The following PIAS2 variants were observed in gnomAD, a reference collection of about 807,000 sequenced individuals.
PIAS2 encodes the protein protein inhibitor of activated STAT 2.
Under a neutral mutation model 69.7 loss-of-function variants are expected in PIAS2, and 19 were observed. The observed-to-expected ratio is 0.27, with a 90% CI of 0.19 to 0.40. The LOEUF (loss-of-function observed/expected upper bound fraction) is 0.40, where lower values mean the gene tolerates loss of function less well. Among genes scored for constraint, PIAS2 ranks in the 10% least tolerant of loss-of-function variants. The pLI, the probability that PIAS2 is intolerant of heterozygous loss-of-function variation, is 1.00. For missense variants in PIAS2, 624 were observed against 757.0 expected (o/e 0.82, Z 2.06); for synonymous variants, 261 against 263.2 (o/e 0.99, Z 0.08).
intron 9 of PIAS2, among the ~76,000 whole-genome samples, chr18:46,833,892 G>C (rs964259193): frequency 1.3e-5 from 2 of 152,126 alleles, no homozygotes; most frequent in African/African-American, 2.4e-5. Context: ...AGAATAATCT[G>C]GGTGCTAGGG....
chr18:46,885,531 A>G (rs908006745), intron 2 of PIAS2, among the ~76,000 whole-genome samples: 7 of 152,060 alleles, frequency 4.6e-5, no homozygotes, highest in African/African-American at 1.4e-4. Flanking sequence ...AAAAAAAAAA[A>G]AAGAAAAAAA....
In PIAS2 at chr18:46,807,274, TTG is replaced by T. The variant is rs2040730212; in HGVS notation, c.*5157_*5158del. 1 of 144,966 alleles carries T rather than the reference TTG, an allele frequency of 6.9e-6. No individual in the cohort carries two copies. Among genetic ancestry groups the T allele is most frequent in the Admixed American group, 6.9e-5 (1 of 14,468 alleles). The allele number at this position is 144,966 out of a possible 1,614,324, so 9.0% of individuals were successfully genotyped here. On this transcript the variant is annotated 3_prime_UTR_variant, in exon 14 of 14. Transcript: ENST00000585916. ...GAAAACGTAGTCTGACAAAGAATAT[TTG>T]TGCAACTTTACAGTGCCAGTAAAAT...
At chr18:46,899,897 A>C (rs923484328) in intron 1 of PIAS2, among the ~76,000 whole-genome samples, 8 of 152,184 alleles carry the variant, frequency 5.3e-5, no homozygotes, top group African/African-American at 1.9e-4. Flanking sequence ...TCTCATCCTG[A>C]CAGCATCAGG....
At chr18:46,884,645 G>A (rs1332087220) in intron 2 of PIAS2, among the ~76,000 whole-genome samples, 4 of 151,988 alleles carry the variant, frequency 2.6e-5, no homozygotes, top group Admixed American at 6.5e-5. Context: ...GCCAGGTGCC[G>A]TGGCTCACGC....
At chr18:46,832,712 G>A (rs541167229) in intron 9 of PIAS2, among the ~76,000 whole-genome samples, 2 of 151,664 alleles carry the variant, frequency 1.3e-5, no homozygotes, top group African/African-American at 2.4e-5. Flanking sequence ...CCACTATGGC[G>A]AAACCCCATC....
rs372285195 is a variant in PIAS2, at chr18:46,811,017, A to G, written c.*1416T>C. The G allele has an allele frequency of 4.6e-5, 7 of 152,168 alleles. No individual in the cohort carries two copies. The highest frequency in any genetic ancestry group is 3.9e-4 in the East Asian group (2 of 5,192). 9.4% of individuals were successfully genotyped at this position (152,168 alleles called of 1,614,324 possible). A position where few individuals can be genotyped will look rare whatever the true frequency, so the allele number is the denominator to read the frequency against. Reference sequence around the variant, plus strand: ...AAGCAAACTAAAAAACTGGATGAAAATGTTTCTCTAAGAGTAAAACCCAGT... The same window carrying G: ...AAGCAAACTAAAAAACTGGATGAAAGTGTTTCTCTAAGAGTAAAACCCAGT... On this transcript the variant is annotated 3_prime_UTR_variant, in exon 14 of 14. Transcript: ENST00000585916.
At chr18:46,843,371 T>A (rs2045702336) in intron 8 of PIAS2, among the ~76,000 whole-genome samples, 1 of 152,222 alleles carries the variant, frequency 6.6e-6, no homozygotes, top group Non-Finnish European at 1.5e-5. Context: ...AAGTTCTTCT[T>A]AACCGGAAAG....
Position 46,811,133 on chromosome 18 carries a change from T to C in PIAS2, c.*1300A>G, listed in dbSNP as rs566509150. The C allele has an allele frequency of 6.0e-4, 92 of 152,238 alleles. No homozygotes were observed. Among genetic ancestry groups the C allele is most frequent in the African/African-American group, 2.1e-3 (89 of 41,522 alleles). 9.4% of individuals were successfully genotyped at this position (152,238 alleles called of 1,614,324 possible). A position where few individuals can be genotyped will look rare whatever the true frequency, so the allele number is the denominator to read the frequency against. ...AAACCTCAGAGGTTCCCTGGAGTGTTTGGGGTAGCATGGATTGAGACAGGA... is the reference window on the plus strand; with the variant it reads ...AAACCTCAGAGGTTCCCTGGAGTGTCTGGGGTAGCATGGATTGAGACAGGA... On this transcript the variant is annotated 3_prime_UTR_variant, in exon 14 of 14. Coordinates refer to ENST00000585916, the MANE Select transcript of PIAS2 (RefSeq NM_004671.5).
In PIAS2 at chr18:46,856,389, G is replaced by A. The variant is rs188500835; in HGVS notation, c.585-774C>T. 3.4e-3 allele frequency among the ~76,000 whole-genome samples: 519 copies of A among 152,168 alleles called. 1 individual carries two copies. The highest frequency in any genetic ancestry group is 0.01 in the Middle Eastern group (3 of 294). ...TAAGCATTAGTTTTTATAGCTACTA[G>A]GGGGATTCTAATATAGACCCAGGAT... On this transcript the variant is annotated intron_variant, in intron 3 of 13. Transcript: ENST00000585916.
chr18:46,846,526 CAGAGTT>C lies in PIAS2; in HGVS notation c.861+175_861+180del, dbSNP rs1599669984. 10 of 460,004 alleles carry C rather than the reference CAGAGTT, an allele frequency of 2.2e-5. No homozygotes were observed. In the East Asian group the frequency reaches 3.0e-4, roughly 14 times the overall value. 28.5% of individuals were successfully genotyped at this position (460,004 alleles called of 1,614,324 possible). A position where few individuals can be genotyped will look rare whatever the true frequency, so the allele number is the denominator to read the frequency against. On this transcript the variant is annotated intron_variant, in intron 6 of 13. Coordinates refer to ENST00000585916, the MANE Select transcript of PIAS2 (RefSeq NM_004671.5). ...TAAAGAGATGATATTCAGGAAAGCT[CAGAGTT>C]AAAGTTTTTAACTTTAAGAATCTCC... is the stretch of plus-strand genomic sequence containing the variant.
At chr18:46,865,722 C>T (rs1012230875) in intron 2 of PIAS2, among the ~76,000 whole-genome samples, 1 of 152,072 alleles carries the variant, frequency 6.6e-6, no homozygotes, top group Non-Finnish European at 1.5e-5. Context: ...CAATTATTCT[C>T]CTAGAAATGT....
At chr18:46,914,459 T>G (rs558102000) in intron 1 of PIAS2, among the ~76,000 whole-genome samples, 57 of 152,290 alleles carry the variant, frequency 3.7e-4, no homozygotes, top group African/African-American at 1.3e-3. Flanking sequence ...TATTCTGCTA[T>G]GACCAGCCAA....
At chr18:46,826,030 G>A (rs2042798229) in intron 11 of PIAS2, among the ~76,000 whole-genome samples, 1 of 152,168 alleles carries the variant, frequency 6.6e-6, no homozygotes, top group Non-Finnish European at 1.5e-5. Flanking sequence ...GTGTATTAAT[G>A]TGTATGTATG....
intron 1 of PIAS2, among the ~76,000 whole-genome samples, chr18:46,891,462 AC>A (rs1427479020): frequency 6.6e-6 from 1 of 152,236 alleles, no homozygotes; most frequent in East Asian, 1.9e-4. Flanking sequence ...AATTAACCAA[AC>A]AAAAAATCAG....
intron 8 of PIAS2, among the ~76,000 whole-genome samples, chr18:46,837,935 C>T (rs2044699888): frequency 6.6e-6 from 1 of 152,122 alleles, no homozygotes; most frequent in African/African-American, 2.4e-5. Context: ...AGTATGTGCT[C>T]AGTATTTGTT....
chr18:46,885,548 T>C (rs1277676776), intron 2 of PIAS2, among the ~76,000 whole-genome samples: 3 of 151,622 alleles, frequency 2.0e-5, no homozygotes, highest in Non-Finnish European at 1.5e-5. Context: ...AAAAAGAGCA[T>C]ATACTCATTA....
At position 46,828,113 on chromosome 18, in the gene PIAS2, T is replaced by C. The variant is rs2043069683; in HGVS notation, c.1354A>G (p.Lys452Glu). The part of the protein sequence containing the change: ...TKIESSSVLS[K>E]PCSVTVASEA... ...CTGGCTACAGTCACTGAACAAGGCT[T>C]ACTGAGGACGCTTGAACCTGCATGT... Residue 452 changes from lysine (K) to glutamate (E), a missense_variant, in exon 11 of 14, where the codon AAG becomes GAG. Lys to Glu is a moderately conservative substitution (Grantham distance 56). Around this residue, in one of 3 missense-constraint regions of PIAS2, gnomAD observed 241 missense variants for 257.3 expected, o/e 0.94. Transcript: ENST00000585916. 6.2e-7 allele frequency: 1 copy of C among 1,608,666 alleles called. No homozygotes were observed. The highest frequency in any genetic ancestry group is 8.5e-7 in the Non-Finnish European group (1 of 1,177,648).
chr18:46,807,383 A>ATTTTTTTTTT lies in PIAS2; in HGVS notation c.*5040_*5049dup, dbSNP rs869285083. The ATTTTTTTTTT allele has an allele frequency of 1.7e-4, 2 of 11,600 alleles. No homozygotes were observed. Among genetic ancestry groups the ATTTTTTTTTT allele is most frequent in the Non-Finnish European group, 2.7e-4 (2 of 7,454 alleles). 0.7% of individuals were successfully genotyped at this position (11,600 alleles called of 1,614,324 possible). On this transcript the variant is annotated 3_prime_UTR_variant, in exon 14 of 14. Transcript: ENST00000585916. ...TATATATATATATATATATATATATATTTTTTTTTTTTTTTTTTTTTTTTT... is the reference window on the plus strand; with the variant it reads ...TATATATATATATATATATATATATATTTTTTTTTTTTTTTTTTTTTTTTTTTTTTTTTTT...
Position 46,807,861 on chromosome 18 carries a change from C to A in PIAS2, c.*4572G>T, listed in dbSNP as rs1486805966. On this transcript the variant is annotated 3_prime_UTR_variant, in exon 14 of 14. Coordinates refer to ENST00000585916, the MANE Select transcript of PIAS2 (RefSeq NM_004671.5). Reference sequence around the variant, plus strand: ...TTCTTGGAAAATATGGCTAGACCACCCTTCCCATACCATCTAGCTGCAGTA... The same window carrying A: ...TTCTTGGAAAATATGGCTAGACCACACTTCCCATACCATCTAGCTGCAGTA... 2 of 152,128 alleles carry A rather than the reference C, an allele frequency of 1.3e-5. No homozygotes were observed. The highest frequency in any genetic ancestry group is 3.9e-4 in the East Asian group (2 of 5,190). 9.4% of individuals were successfully genotyped at this position (152,128 alleles called of 1,614,324 possible).
Sources: allele counts gnomAD v4.1 joint callset (sites outside exome capture counted in the v4.1 genomes callset), GRCh38; gene constraint gnomAD v4.1.1; regional missense constraint gnomAD v4.1.1; transcripts MANE v1.5; gene names NCBI Gene and HGNC (gene_info 2026-07-23, HGNC 2026-07-21).